Variants in MAN1A1 observed in about 807,000 individuals in gnomAD.
MAN1A1 encodes the protein mannosidase alpha class 1A member 1.
Under a neutral mutation model 70.8 loss-of-function variants are expected in MAN1A1, and 29 were observed. The observed-to-expected ratio is 0.41, with a 90% CI of 0.31 to 0.56. The LOEUF (loss-of-function observed/expected upper bound fraction) is 0.56, where lower values mean the gene tolerates loss of function less well. MAN1A1 is among the 20% of genes least tolerant of loss of function. The pLI is 0.29. For synonymous variants in MAN1A1, 349 were observed against 330.1 expected (o/e 1.06, Z -0.62); for missense variants, 747 against 841.3 (o/e 0.89, Z 1.39).
chr6:119,283,119 G>C (rs1047720092), intron 5 of MAN1A1, among the ~76,000 whole-genome samples: 90 of 152,272 alleles, frequency 5.9e-4, no homozygotes, highest in African/African-American at 2.1e-3. Flanking sequence ...CTGGGGTGGG[G>C]GTTGAAGGTG....
intron 7 of MAN1A1, among the ~76,000 whole-genome samples, chr6:119,203,571 G>T (rs1276917209): frequency 6.6e-6 from 1 of 152,008 alleles, no homozygotes; most frequent in South Asian, 2.1e-4. Context: ...CTACTGTATG[G>T]TGTACATACA....
Position 119,281,556 on chromosome 6 carries a change from A to G in MAN1A1, c.897+9127T>C, listed in dbSNP as rs76391932. Among the ~76,000 whole-genome samples, 891 of 152,298 alleles carry G rather than the reference A, an allele frequency of 5.9e-3. 28 individuals carry two copies. In the East Asian group the frequency reaches 0.089, roughly 15 times the overall value. ...CCCATGACAACTAGAAATGACCTAG[A>G]TGGCAGCTGCCCCAGCAGGTTGGAC... On this transcript the variant is annotated intron_variant, in intron 5 of 12. Transcript: ENST00000368468.
At chr6:119,218,516 C>G (rs1490301194) in intron 6 of MAN1A1, among the ~76,000 whole-genome samples, 1 of 151,896 alleles carries the variant, frequency 6.6e-6, no homozygotes, top group African/African-American at 2.4e-5. Context: ...CACCGAAGAT[C>G]CTCAAATAAG....
intron 12 of MAN1A1, 133 bp downstream of exon 12, chr6:119,180,179 C>A: frequency 1.4e-6 from 1 of 734,264 alleles, no homozygotes. Context: ...GAGAATATAC[C>A]TGCAATTATA....
chr6:119,221,130 G>A (rs1248562986), intron 6 of MAN1A1, among the ~76,000 whole-genome samples: 1 of 150,824 alleles, frequency 6.6e-6, no homozygotes, highest in Non-Finnish European at 1.5e-5. Flanking sequence ...AAAAATTTCT[G>A]AGCATAAAAT....
intron 5 of MAN1A1, among the ~76,000 whole-genome samples, chr6:119,288,998 A>T: frequency 6.6e-6 from 1 of 151,714 alleles, no homozygotes. Context: ...ATTAAAAAAT[A>T]TCCTTACAAA....
At chr6:119,270,917 T>C (rs1775905197) in intron 5 of MAN1A1, among the ~76,000 whole-genome samples, 1 of 152,226 alleles carries the variant, frequency 6.6e-6, no homozygotes, top group South Asian at 2.1e-4. Context: ...CAACTGTTTC[T>C]GTGAATATTG....
chr6:119,214,376 A>C (rs1205270559), intron 6 of MAN1A1, among the ~76,000 whole-genome samples: 2 of 152,224 alleles, frequency 1.3e-5, no homozygotes, highest in Non-Finnish European at 2.9e-5. Flanking sequence ...CAAAGAACAA[A>C]GTAACTGGCT....
intron 6 of MAN1A1, among the ~76,000 whole-genome samples, chr6:119,228,858 A>G (rs976494180): frequency 4.6e-5 from 7 of 152,162 alleles, no homozygotes; most frequent in Admixed American, 3.3e-4. Context: ...GCAAAACTTC[A>G]TATGTGTAAC....
chr6:119,349,759 A>T lies in MAN1A1; in HGVS notation c.-440T>A. 1 of 985,416 alleles carries T rather than the reference A, an allele frequency of 1.0e-6. No individual in the cohort carries two copies. The highest frequency in any genetic ancestry group is 1.2e-6 in the Non-Finnish European group (1 of 829,884). 61.0% of individuals were successfully genotyped at this position (985,416 alleles called of 1,614,324 possible). A position where few individuals can be genotyped will look rare whatever the true frequency, so the allele number is the denominator to read the frequency against. ...TACACTCCGCCGCGGCCCCGCGAGCACTAATCTCACTGCCGGTCTTGGGGC... is the reference window on the plus strand; with the variant it reads ...TACACTCCGCCGCGGCCCCGCGAGCTCTAATCTCACTGCCGGTCTTGGGGC... On this transcript the variant is annotated 5_prime_UTR_variant, in exon 1 of 13. Coordinates refer to ENST00000368468, the MANE Select transcript of MAN1A1 (RefSeq NM_005907.4).
chr6:119,248,533 G>T (rs1269883815), intron 5 of MAN1A1, among the ~76,000 whole-genome samples, 179 bp from the exon 6 acceptor site: 1 of 152,210 alleles, frequency 6.6e-6, no homozygotes, highest in Admixed American at 6.5e-5. Flanking sequence ...TGGTCCAGGG[G>T]CCATCATACT....
At position 119,179,914 on chromosome 6, in the gene MAN1A1, G is replaced by A. The variant is rs948264875; in HGVS notation, c.1867C>T (p.Leu623Phe). Residue 623 changes from leucine to phenylalanine, a missense_variant, in exon 13 of 13, where the codon CTT (leucine) becomes TTT (phenylalanine). Coordinates refer to ENST00000368468, the MANE Select transcript of MAN1A1 (RefSeq NM_005907.4). ...YLYLIFSDDDLLPLEHWIFNS... is the reference protein window; with the variant it reads ...YLYLIFSDDDFLPLEHWIFNS... ...AAGATCCAATGCTCCAGTGGAAGAA[G>A]ATCGTCGTCAGAAAATATTAGGTAC... The A allele has an allele frequency of 2.5e-6, 4 of 1,613,544 alleles. No individual in the cohort carries two copies. The highest frequency in any genetic ancestry group is 2.5e-6 in the Non-Finnish European group (3 of 1,179,656).
intron 6 of MAN1A1, among the ~76,000 whole-genome samples, chr6:119,235,206 C>T (rs1562204305): frequency 6.6e-6 from 1 of 152,122 alleles, no homozygotes; most frequent in Non-Finnish European, 1.5e-5. Flanking sequence ...GAATCGCATG[C>T]CTCTCACCTT....
chr6:119,300,041 T>C (rs1772343895), intron 4 of MAN1A1, among the ~76,000 whole-genome samples: 1 of 152,166 alleles, frequency 6.6e-6, no homozygotes, highest in Admixed American at 6.5e-5. Context: ...GTAAGAAACT[T>C]GGACACTATT....
At chr6:119,247,689 T>C (rs1158260626) in intron 6 of MAN1A1, among the ~76,000 whole-genome samples, 1 of 152,160 alleles carries the variant, frequency 6.6e-6, no homozygotes, top group Non-Finnish European at 1.5e-5. Context: ...GAACTTGGCA[T>C]ATCAGGGTTC....
chr6:119,210,227 C>T (rs1402673472), intron 6 of MAN1A1, among the ~76,000 whole-genome samples: 13 of 152,152 alleles, frequency 8.5e-5, no homozygotes, highest in African/African-American at 2.9e-4. Context: ...CCACATTTCT[C>T]GTTCCCATCT....
intron 6 of MAN1A1, among the ~76,000 whole-genome samples, chr6:119,247,382 T>C (rs191569144): frequency 6.6e-6 from 1 of 152,330 alleles, no homozygotes. Flanking sequence ...ATAACAGCAT[T>C]GACCTTACTG....
intron 6 of MAN1A1, among the ~76,000 whole-genome samples, chr6:119,223,454 C>T (rs1774420974): frequency 6.6e-6 from 1 of 152,026 alleles, no homozygotes; most frequent in Admixed American, 6.5e-5. Flanking sequence ...TGAAAACTGG[C>T]ACAACTATTC....
At chr6:119,323,538 G>A (rs999740411) in intron 2 of MAN1A1, among the ~76,000 whole-genome samples, 26 of 151,966 alleles carry the variant, frequency 1.7e-4, no homozygotes, top group South Asian at 4.1e-4. Context: ...AACAACTGCA[G>A]GTTATTTTTG....
Sources: allele counts gnomAD v4.1 joint callset (sites outside exome capture counted in the v4.1 genomes callset), GRCh38; gene constraint gnomAD v4.1.1; transcripts MANE v1.5; gene names NCBI Gene and HGNC (gene_info 2026-07-23, HGNC 2026-07-21).